Variants in PRKDC observed in about 807,000 individuals in gnomAD.
The protein encoded by PRKDC is DNA-dependent protein kinase catalytic subunit.
In PRKDC, 82 loss-of-function variants were observed where a neutral mutation model predicts 486.9. The ratio of observed to expected loss-of-function variants is 0.17; its 90% CI spans 0.14 to 0.20. The LOEUF (loss-of-function observed/expected upper bound fraction) is 0.20. Ranked by LOEUF, PRKDC falls within the 10% of genes least tolerant of loss-of-function variation. The pLI is 1.00. For synonymous variants in PRKDC, 1,895 were observed against 1,837.0 expected (o/e 1.03, Z -0.81); for missense variants, 4,504 against 5,038.2 (o/e 0.89, Z 3.21).
chr8:47,777,592 T>A, intron 84 of PRKDC, 94 bp downstream of exon 84: 1 of 1,212,966 alleles, frequency 8.2e-7, no homozygotes, highest in Non-Finnish European at 1.1e-6. Flanking sequence ...TTCATCAACA[T>A]GACTCAATGC....
intron 25 of PRKDC, among the ~76,000 whole-genome samples, chr8:47,905,504 T>A (rs1475370753): frequency 6.6e-6 from 1 of 152,190 alleles, no homozygotes; most frequent in Non-Finnish European, 1.5e-5. Context: ...TATCCTGGAT[T>A]ACAGACAATC....
intron 52 of PRKDC, among the ~76,000 whole-genome samples, chr8:47,850,584 C>T (rs760861968): frequency 2.0e-5 from 3 of 152,160 alleles, no homozygotes; most frequent in East Asian, 1.9e-4. Flanking sequence ...CAAATTTCAA[C>T]GGCCTGAACC....
At chr8:47,896,134 T>C (rs1162274261) in intron 30 of PRKDC, among the ~76,000 whole-genome samples, 3 of 152,202 alleles carry the variant, frequency 2.0e-5, no homozygotes, top group South Asian at 4.1e-4. Flanking sequence ...TAAAATGATA[T>C]AGTAAATTTA....
At chr8:47,909,180 T>C (rs1278500427) in intron 25 of PRKDC, among the ~76,000 whole-genome samples, 1 of 152,198 alleles carries the variant, frequency 6.6e-6, no homozygotes, top group East Asian at 1.9e-4. Context: ...GTTTCTTCTG[T>C]TGTGGGAAGT....
At chr8:47,845,874 A>G (rs1029710184) in intron 54 of PRKDC, among the ~76,000 whole-genome samples, 4 of 152,164 alleles carry the variant, frequency 2.6e-5, no homozygotes, top group Non-Finnish European at 4.4e-5. Context: ...GCAGGACACA[A>G]TGAAAAAAGA....
intron 29 of PRKDC, among the ~76,000 whole-genome samples, chr8:47,897,663 T>C (rs2089605927): frequency 6.6e-6 from 1 of 152,212 alleles, no homozygotes; most frequent in South Asian, 2.1e-4. Context: ...ATCCAAATTA[T>C]CTGGCCCTAC....
rs184803814 is a variant in PRKDC, at chr8:47,811,042, C to T, written c.9558-3716G>A. Among the ~76,000 whole-genome samples, 69 of 152,158 alleles carry T rather than the reference C, an allele frequency of 4.5e-4. 3 individuals carry two copies. Among genetic ancestry groups the T allele is most frequent in the Non-Finnish European group, 8.8e-5 (6 of 68,026 alleles). ...AGAAACACAATGACTGAAAACTCCC[C>T]AAATCTGGTGACAAAAAGGTACAGA... On this transcript the variant is annotated intron_variant, in intron 68 of 85. Coordinates refer to ENST00000314191, the MANE Select transcript of PRKDC (RefSeq NM_006904.7).
At chr8:47,849,578 G>A in intron 52 of PRKDC, 75 bp from the exon 53 acceptor site, 1 of 1,504,774 alleles carries the variant, frequency 6.6e-7, no homozygotes, top group Non-Finnish European at 9.0e-7. Flanking sequence ...AGTTTATCTT[G>A]AGTATTTAAG....
chr8:47,896,570 C>G (rs1563791488), intron 30 of PRKDC, among the ~76,000 whole-genome samples: 3 of 151,978 alleles, frequency 2.0e-5, no homozygotes, highest in Admixed American at 1.3e-4. Flanking sequence ...CGGCGTGAAC[C>G]CAGGAGGTGG....
intron 77 of PRKDC, among the ~76,000 whole-genome samples, chr8:47,784,813 T>C (rs1237033554): frequency 6.6e-6 from 1 of 152,222 alleles, no homozygotes; most frequent in Non-Finnish European, 1.5e-5. Flanking sequence ...TTCAGGAGCA[T>C]AGCATGAATA....
chr8:47,915,644 C>T (rs1231519828), intron 22 of PRKDC, among the ~76,000 whole-genome samples: 2 of 152,150 alleles, frequency 1.3e-5, no homozygotes, highest in African/African-American at 2.4e-5. Context: ...GAAATTGAAA[C>T]ACAGAAACTA....
chr8:47,887,459 C>A lies in PRKDC; in HGVS notation c.4572+88G>T, dbSNP rs184355391. On this transcript the variant is annotated intron_variant, in intron 35 of 85. Coordinates refer to ENST00000314191, the MANE Select transcript of PRKDC (RefSeq NM_006904.7). ...CTTGTCCAGCTAAAACCTTACTACC[C>A]AAATTCCACAGTTTCTAGAGACACC... 476 of 1,273,374 alleles carry A rather than the reference C, an allele frequency of 3.7e-4. 4 individuals carry two copies. In the East Asian group the frequency reaches 0.011, roughly 29 times the overall value. 78.9% of individuals were successfully genotyped at this position (1,273,374 alleles called of 1,614,324 possible). A position where few individuals can be genotyped will look rare whatever the true frequency, so the allele number is the denominator to read the frequency against.
chr8:47,957,757 G>A (rs2090731030), intron 1 of PRKDC, among the ~76,000 whole-genome samples: 1 of 152,128 alleles, frequency 6.6e-6, no homozygotes, highest in African/African-American at 2.4e-5. Flanking sequence ...CTCACGATCA[G>A]CCCGCCTCGG....
chr8:47,900,344 C>G, intron 28 of PRKDC, 29 bp downstream of exon 28: 2 of 1,543,208 alleles, frequency 1.3e-6, no homozygotes, highest in African/African-American at 1.4e-5. Context: ...AGACCTGTAA[C>G]GCACACAGAA....
chr8:47,795,941 C>A (rs2086977351), intron 73 of PRKDC, among the ~76,000 whole-genome samples: 1 of 151,422 alleles, frequency 6.6e-6, no homozygotes, highest in African/African-American at 2.4e-5. Context: ...GTCGCCCAGG[C>A]TGGAGTGCAG....
chr8:47,788,619 G>C (rs1244733872), intron 76 of PRKDC, among the ~76,000 whole-genome samples: 4 of 152,076 alleles, frequency 2.6e-5, no homozygotes, highest in African/African-American at 9.7e-5. Flanking sequence ...TTGAAGAATT[G>C]GAAATCCCAA....
chr8:47,928,154 CTTTTTTTTT>C (rs375267637), intron 19 of PRKDC, among the ~76,000 whole-genome samples: 2 of 130,998 alleles, frequency 1.5e-5, no homozygotes, highest in East Asian at 4.3e-4. Flanking sequence ...GCTTGAGGGA[CTTTTTTTTT>C]TTTTTTTTTT....
Position 47,860,909 on chromosome 8 carries a change from A to C in PRKDC, c.6048T>G (p.Asn2016Lys), listed in dbSNP as rs572298242. Residue 2016 changes from asparagine (N) to lysine (K), a missense_variant, in exon 45 of 86, where the codon AAT (asparagine) becomes AAG (lysine). Asn to Lys is a moderately conservative substitution (Grantham distance 94). This residue lies in a region of PRKDC where 1,592 missense variants were observed against 1,724.6 expected (regional missense o/e 0.92). Transcript: ENST00000314191. ...TTGAAAACATCCTACCTGAATCCCC[A>C]TTTGCTGCTTCTCTGGCTTCTTTCC... ...EIRKEAREAA[N>K]GDSDGPSYMS... 6 of 1,607,858 alleles carry C rather than the reference A, an allele frequency of 3.7e-6. No individual in the cohort carries two copies. The East Asian group carries it at 1.3e-4, about 36-fold the overall frequency.
chr8:47,957,573 C>A, intron 1 of PRKDC, 142 bp from the exon 2 acceptor site: 1 of 648,934 alleles, frequency 1.5e-6, no homozygotes, highest in Non-Finnish European at 2.5e-6. Flanking sequence ...TGCAGCGGCG[C>A]GATCTCGGCT....
Sources: allele counts gnomAD v4.1 joint callset (sites outside exome capture counted in the v4.1 genomes callset), GRCh38; gene constraint gnomAD v4.1.1; regional missense constraint gnomAD v4.1.1; transcripts MANE v1.5; gene names NCBI Gene and HGNC (gene_info 2026-07-23, HGNC 2026-07-21).